Variants in MAP3K2 observed in about 807,000 individuals in gnomAD.
The protein encoded by MAP3K2 is MAP/ERK kinase kinase 2.
In MAP3K2, 24 loss-of-function variants were observed where a neutral mutation model predicts 80.3. The observed-to-expected ratio is 0.30, with a 90% CI of 0.22 to 0.42. The LOEUF is 0.42. Among genes scored for constraint, MAP3K2 ranks in the 10% least tolerant of loss-of-function variants. The probability of loss-of-function intolerance (pLI) is 1.00; values close to 1 mark genes in which losing one functional copy is unlikely to be tolerated. For synonymous variants in MAP3K2, 244 were observed against 253.7 expected, an observed-to-expected ratio of 0.96 and a Z score of 0.36; for missense variants, 608 against 750.1, an observed-to-expected ratio of 0.81 and a Z score of 2.21.
intron 1 of MAP3K2, among the ~76,000 whole-genome samples, chr2:127,369,853 C>T (rs1315193681): frequency 6.6e-6 from 1 of 152,098 alleles, no homozygotes; most frequent in South Asian, 2.1e-4. Flanking sequence ...TCTCTCTTAA[C>T]TAATTAACCA....
At chr2:127,348,312 T>C (rs1686633681) in intron 1 of MAP3K2, among the ~76,000 whole-genome samples, 1 of 151,986 alleles carries the variant, frequency 6.6e-6, no homozygotes, top group African/African-American at 2.4e-5. Flanking sequence ...TGCTTGAACA[T>C]GGGAGGCAGA....
At chr2:127,379,656 T>C (rs1226762263) in intron 1 of MAP3K2, among the ~76,000 whole-genome samples, 1 of 152,258 alleles carries the variant, frequency 6.6e-6, no homozygotes, top group African/African-American at 2.4e-5. Context: ...TGGTACTCAA[T>C]GAATTATATA....
chr2:127,361,096 G>A (rs1379234401), intron 1 of MAP3K2, among the ~76,000 whole-genome samples: 3 of 151,940 alleles, frequency 2.0e-5, no homozygotes, highest in Non-Finnish European at 4.4e-5. Flanking sequence ...GGCAGATCAC[G>A]AGGTCAGGAG....
chr2:127,324,970 G>A (rs1256749051), intron 9 of MAP3K2, among the ~76,000 whole-genome samples: 1 of 152,128 alleles, frequency 6.6e-6, no homozygotes, highest in South Asian at 2.1e-4. Flanking sequence ...GACACAGTGG[G>A]CTACAATTTC....
intron 1 of MAP3K2, among the ~76,000 whole-genome samples, chr2:127,370,283 G>A (rs1687041282): frequency 6.6e-6 from 1 of 152,182 alleles, no homozygotes; most frequent in South Asian, 2.1e-4. Context: ...GGGCGGCCCA[G>A]TCCCCTAGCC....
chr2:127,313,272 C>T (rs563774364), intron 15 of MAP3K2, among the ~76,000 whole-genome samples: 7 of 152,144 alleles, frequency 4.6e-5, no homozygotes, highest in Admixed American at 3.9e-4. Context: ...TGAGGGCTAA[C>T]GAGAAGCTGG....
chr2:127,357,650 T>C (rs368146998), intron 1 of MAP3K2, among the ~76,000 whole-genome samples: 17 of 152,192 alleles, frequency 1.1e-4, no homozygotes, highest in African/African-American at 4.1e-4. Context: ...GGTAGATAAA[T>C]GGTTAATGAA....
intron 12 of MAP3K2, among the ~76,000 whole-genome samples, chr2:127,319,796 G>A (rs59283013): frequency 0.087 from 13,106 of 149,844 alleles, 764 homozygotes; most frequent in African/African-American, 0.17. Context: ...CTGAGATCGC[G>A]CCACTGCACT....
intron 1 of MAP3K2, among the ~76,000 whole-genome samples, chr2:127,356,617 T>G (rs1686802464): frequency 1.3e-5 from 2 of 152,198 alleles, no homozygotes; most frequent in Non-Finnish European, 2.9e-5. Flanking sequence ...CCTCCCAAAG[T>G]GTTGAGATTA....
chr2:127,344,436 G>C (rs1374957228), intron 1 of MAP3K2, among the ~76,000 whole-genome samples: 2 of 150,408 alleles, frequency 1.3e-5, no homozygotes, highest in Non-Finnish European at 1.5e-5. Flanking sequence ...GATCACGTGA[G>C]CCCAGGAGTT....
intron 1 of MAP3K2, among the ~76,000 whole-genome samples, chr2:127,366,776 T>A (rs1255990277): frequency 2.6e-5 from 4 of 151,562 alleles, no homozygotes; most frequent in African/African-American, 7.3e-5. Flanking sequence ...TCTCCACTCA[T>A]AACATGAGAA....
intron 1 of MAP3K2, among the ~76,000 whole-genome samples, chr2:127,386,270 T>A (rs936707290): frequency 1.3e-5 from 2 of 152,206 alleles, no homozygotes; most frequent in African/African-American, 4.8e-5. Flanking sequence ...CACCATAGTT[T>A]TAAAAAATAC....
At chr2:127,355,589 A>C (rs572452539) in intron 1 of MAP3K2, among the ~76,000 whole-genome samples, 1 of 152,302 alleles carries the variant, frequency 6.6e-6, no homozygotes, top group Admixed American at 6.5e-5. Flanking sequence ...CAGAGTTGTA[A>C]TCTTTCTGCC....
At chr2:127,332,595 T>C (rs922312884) in intron 5 of MAP3K2, among the ~76,000 whole-genome samples, 1 of 152,234 alleles carries the variant, frequency 6.6e-6, no homozygotes, top group Non-Finnish European at 1.5e-5. Context: ...AAGTCCCAGG[T>C]TATCTACATT....
In MAP3K2 at chr2:127,318,219, A is replaced by C; in HGVS notation, c.1144T>G (p.Leu382Val). 1 of 1,611,852 alleles carries C rather than the reference A, an allele frequency of 6.2e-7. No individual in the cohort carries two copies. The highest frequency in any genetic ancestry group is 8.5e-7 in the Non-Finnish European group (1 of 1,179,086). Residue 382 changes from leucine (L) to valine (V), a missense_variant, in exon 13 of 17, where the codon TTG becomes GTG. Physicochemically the swap from Leu to Val is conservative, Grantham distance 32. This residue lies in a region of MAP3K2 where 467 missense variants were observed against 521.9 expected (regional missense o/e 0.89). Coordinates refer to ENST00000682094, the MANE Select transcript of MAP3K2 (RefSeq NM_001371910.2). ...TCAAATTGAACTTGCTTAACAGCCA[A>C]TTCTCTTCCTGTATCAACATCATAA... is the stretch of plus-strand genomic sequence containing the variant. ...LCYDVDTGRE[L>V]AVKQVQFDPD...
intron 1 of MAP3K2, among the ~76,000 whole-genome samples, chr2:127,375,744 C>T (rs760039993): frequency 1.3e-5 from 2 of 152,058 alleles, no homozygotes; most frequent in African/African-American, 2.4e-5. Flanking sequence ...CCTCTAAATC[C>T]GCCTTTCTTC....
intron 1 of MAP3K2, among the ~76,000 whole-genome samples, chr2:127,350,306 A>G (rs1686668109): frequency 7.9e-6 from 1 of 126,882 alleles, no homozygotes; most frequent in South Asian, 2.3e-4. Flanking sequence ...GGCCCACTGA[A>G]TAGAAAAAAT....
chr2:127,386,894 A>G (rs1467983444), intron 1 of MAP3K2, among the ~76,000 whole-genome samples: 1 of 152,132 alleles, frequency 6.6e-6, no homozygotes, highest in Non-Finnish European at 1.5e-5. Flanking sequence ...TACTACCTTC[A>G]TGACCTTGGA....
intron 7 of MAP3K2, among the ~76,000 whole-genome samples, chr2:127,329,605 T>C (rs1686212088): frequency 6.6e-6 from 1 of 152,190 alleles, no homozygotes; most frequent in South Asian, 2.1e-4. Context: ...TCTGCCCGCC[T>C]TGGCCTCCCA....
Sources: allele counts gnomAD v4.1 joint callset (sites outside exome capture counted in the v4.1 genomes callset), GRCh38; gene constraint gnomAD v4.1.1; regional missense constraint gnomAD v4.1.1; transcripts MANE v1.5; gene names NCBI Gene and HGNC (gene_info 2026-07-23, HGNC 2026-07-21).